The following RALGPS2 variants were observed in gnomAD, a reference collection of about 807,000 sequenced individuals.
RALGPS2 encodes Ral GEF with PH domain and SH3 binding motif 2, also known as ras-specific guanine nucleotide-releasing factor RalGPS2.
A neutral mutation model predicts 86.8 loss-of-function variants in RALGPS2; 43 were observed. The observed-to-expected ratio is 0.50, with a 90% CI of 0.39 to 0.64. The LOEUF (loss-of-function observed/expected upper bound fraction) is 0.64. RALGPS2 is among the 30% of genes least tolerant of loss of function. RALGPS2 has a pLI of 0.00. For missense variants in RALGPS2, 536 were observed against 694.6 expected, an observed-to-expected ratio of 0.77 and a Z score of 2.57; for synonymous variants, 243 against 231.3, an observed-to-expected ratio of 1.05 and a Z score of -0.46.
intron 1 of RALGPS2, among the ~76,000 whole-genome samples, chr1:178,728,393 G>A (rs1650147595): frequency 4.3e-5 from 5 of 117,108 alleles, no homozygotes; most frequent in African/African-American, 1.6e-4. Flanking sequence ...CATTTTCTCC[G>A]AAAGTATGCT....
At chr1:178,913,491 A>C (rs1361882315) in intron 19 of RALGPS2, among the ~76,000 whole-genome samples, 2 of 152,132 alleles carry the variant, frequency 1.3e-5, no homozygotes, top group Non-Finnish European at 2.9e-5. Flanking sequence ...CTGTCATTTC[A>C]GTCTGGTTAA....
chr1:178,909,536 TTAACA>T (rs1239506675), intron 19 of RALGPS2, among the ~76,000 whole-genome samples: 12 of 152,154 alleles, frequency 7.9e-5, no homozygotes, highest in African/African-American at 2.9e-4. Flanking sequence ...ATATGGACAT[TTAACA>T]GTATTGATTC....
intron 16 of RALGPS2, among the ~76,000 whole-genome samples, chr1:178,895,673 T>TTGA: frequency 6.6e-6 from 1 of 152,012 alleles, no homozygotes; most frequent in South Asian, 2.1e-4. Flanking sequence ...CTGGAGTTGT[T>TTGA]TGATGATAAA....
At chr1:178,866,897 T>G (rs1324393213) in intron 8 of RALGPS2, among the ~76,000 whole-genome samples, 1 of 152,150 alleles carries the variant, frequency 6.6e-6, no homozygotes, top group African/African-American at 2.4e-5. Flanking sequence ...GCCAAGACTT[T>G]TTCCTTTCTC....
intron 1 of RALGPS2, among the ~76,000 whole-genome samples, chr1:178,741,759 T>C (rs1269393811): frequency 1.3e-5 from 2 of 152,036 alleles, no homozygotes; most frequent in Non-Finnish European, 2.9e-5. Flanking sequence ...AAGGGACAAA[T>C]GTAAAGCAAA....
At chr1:178,883,419 C>G in intron 10 of RALGPS2, 47 bp from the exon 11 acceptor site, 1 of 1,388,264 alleles carries the variant, frequency 7.2e-7, no homozygotes, top group Non-Finnish European at 1.0e-6. Context: ...CTTATTTTGT[C>G]AAATGTTAAT....
chr1:178,748,400 A>G (rs1340982606), intron 1 of RALGPS2, among the ~76,000 whole-genome samples: 1 of 152,240 alleles, frequency 6.6e-6, no homozygotes, highest in Non-Finnish European at 1.5e-5. Flanking sequence ...TTGTGTACTA[A>G]TGTTCACAGC....
At chr1:178,747,221 T>C in intron 1 of RALGPS2, 3 of 1,379,144 alleles carry the variant, frequency 2.2e-6, no homozygotes, top group Middle Eastern at 1.8e-4. Context: ...CACAGGTCCA[T>C]GGTCAGGGTT....
At chr1:178,764,314 T>G (rs1213963018) in intron 1 of RALGPS2, among the ~76,000 whole-genome samples, 2 of 152,206 alleles carry the variant, frequency 1.3e-5, no homozygotes, top group Non-Finnish European at 2.9e-5. Context: ...TCCATTTGCT[T>G]GGTAGATTTT....
intron 16 of RALGPS2, among the ~76,000 whole-genome samples, chr1:178,895,435 A>G (rs1166503709): frequency 1.3e-5 from 2 of 152,074 alleles, no homozygotes; most frequent in Non-Finnish European, 2.9e-5. Flanking sequence ...TTCCTCCTGG[A>G]TTACATTTCA....
At chr1:178,727,117 C>T (rs1321415103) in intron 1 of RALGPS2, among the ~76,000 whole-genome samples, 3 of 152,176 alleles carry the variant, frequency 2.0e-5, no homozygotes, top group African/African-American at 7.2e-5. Context: ...GCATTAATGC[C>T]ATTTGGGATA....
chr1:178,744,013 G>C (rs1651174072), intron 1 of RALGPS2, among the ~76,000 whole-genome samples: 1 of 152,290 alleles, frequency 6.6e-6, no homozygotes, highest in Admixed American at 6.5e-5. Flanking sequence ...TATTTTGTGA[G>C]CTCAGCATTA....
At chr1:178,766,037 C>T (rs543608194) in intron 1 of RALGPS2, among the ~76,000 whole-genome samples, 57 of 152,030 alleles carry the variant, frequency 3.7e-4, no homozygotes, top group Admixed American at 2.7e-3. Flanking sequence ...ACAAAGATGA[C>T]GGGATTAAGA....
chr1:178,910,718 TC>T (rs1431070426), intron 19 of RALGPS2, among the ~76,000 whole-genome samples: 2 of 152,206 alleles, frequency 1.3e-5, no homozygotes, highest in Non-Finnish European at 2.9e-5. Context: ...GACCTGTAGT[TC>T]TGTTTTTTCA....
At chr1:178,729,661 G>A (rs1387820101) in intron 1 of RALGPS2, among the ~76,000 whole-genome samples, 2 of 152,170 alleles carry the variant, frequency 1.3e-5, no homozygotes, top group Non-Finnish European at 2.9e-5. Context: ...GTTCATTGGA[G>A]CAGTTTGAGT....
At chr1:178,830,816 G>A (rs1046881602) in intron 7 of RALGPS2, among the ~76,000 whole-genome samples, 8 of 152,080 alleles carry the variant, frequency 5.3e-5, no homozygotes, top group African/African-American at 1.7e-4. Flanking sequence ...AGGATGCAGT[G>A]GGCGGAAGAT....
intron 13 of RALGPS2, among the ~76,000 whole-genome samples, chr1:178,888,230 C>T (rs919356397): frequency 2.0e-5 from 3 of 152,074 alleles, no homozygotes; most frequent in Non-Finnish European, 2.9e-5. Flanking sequence ...GAACATTACA[C>T]ATAGGCATTT....
At chr1:178,754,146 G>C (rs1651833429) in intron 1 of RALGPS2, among the ~76,000 whole-genome samples, 1 of 151,910 alleles carries the variant, frequency 6.6e-6, no homozygotes, top group African/African-American at 2.4e-5. Context: ...TTTTTAAGTT[G>C]AGGAGCTTCT....
intron 19 of RALGPS2, among the ~76,000 whole-genome samples, chr1:178,911,382 G>T (rs1435865667): frequency 6.6e-6 from 1 of 151,806 alleles, no homozygotes; most frequent in Non-Finnish European, 1.5e-5. Context: ...CTAACTTCTT[G>T]ACATAGGTAT....
Sources: allele counts gnomAD v4.1 joint callset (sites outside exome capture counted in the v4.1 genomes callset), GRCh38; gene constraint gnomAD v4.1.1; transcripts MANE v1.5; gene names NCBI Gene and HGNC (gene_info 2026-07-23, HGNC 2026-07-21).